The following STK32B variants were observed in gnomAD, a reference collection of about 807,000 sequenced individuals.
STK32B encodes serine/threonine-protein kinase 32B.
A neutral mutation model predicts 52.6 loss-of-function variants in STK32B; 43 were observed. The ratio of observed to expected loss-of-function variants is 0.82; its 90% CI spans 0.64 to 1.05. STK32B has a LOEUF of 1.05. Ranked by LOEUF, STK32B falls within the 50% of genes least tolerant of loss-of-function variation. The probability of loss-of-function intolerance (pLI) is 0.00; values close to 1 mark genes in which losing one functional copy is unlikely to be tolerated. For synonymous variants in STK32B, 238 were observed against 204.3 expected, an observed-to-expected ratio of 1.17 and a Z score of -1.41; for missense variants, 621 against 534.6, an observed-to-expected ratio of 1.16 and a Z score of -1.59.
At chr4:5,492,876 A>G (rs1157672904) in intron 11 of STK32B, among the ~76,000 whole-genome samples, 2 of 150,900 alleles carry the variant, frequency 1.3e-5, no homozygotes, top group African/African-American at 2.5e-5. Context: ...GCTGGATTAC[A>G]TTTATTGATT....
At chr4:5,324,059 C>G (rs1026528443) in intron 3 of STK32B, among the ~76,000 whole-genome samples, 1 of 152,190 alleles carries the variant, frequency 6.6e-6, no homozygotes. Flanking sequence ...AGCGCATATA[C>G]GTAAAGCACT....
intron 5 of STK32B, among the ~76,000 whole-genome samples, chr4:5,406,990 T>A (rs1359782541): frequency 1.3e-5 from 2 of 152,190 alleles, no homozygotes; most frequent in Non-Finnish European, 2.9e-5. Flanking sequence ...TTCCAAACTT[T>A]TACATTCTGC....
intron 3 of STK32B, among the ~76,000 whole-genome samples, chr4:5,316,173 A>AT: frequency 3.6e-5 from 4 of 110,918 alleles, no homozygotes; most frequent in African/African-American, 1.4e-4. Context: ...CTAAATATAT[A>AT]TATAACTAAA....
At position 5,452,794 on chromosome 4, in the gene STK32B, C is replaced by T. The variant is rs569259684; in HGVS notation, c.667-4013C>T. On this transcript the variant is annotated intron_variant, in intron 7 of 11. Coordinates refer to ENST00000282908, the MANE Select transcript of STK32B (RefSeq NM_018401.3). ...AATTGGCAAAATTTTTTTTAGAAAC[C>T]GAGTTTCCTGGAATAGAGACATACC... 3.9e-5 allele frequency among the ~76,000 whole-genome samples: 6 copies of T among 151,976 alleles called. No individual in the cohort carries two copies. The East Asian group carries it at 9.7e-4, about 25-fold the overall frequency.
intron 1 of STK32B, among the ~76,000 whole-genome samples, chr4:5,137,290 C>A (rs955478219): frequency 6.6e-6 from 1 of 152,196 alleles, no homozygotes; most frequent in African/African-American, 2.4e-5. Flanking sequence ...CTCCTCATGG[C>A]AGCTGGTCCT....
At chr4:5,285,559 C>T (rs2108876508) in intron 3 of STK32B, among the ~76,000 whole-genome samples, 1 of 152,166 alleles carries the variant, frequency 6.6e-6, no homozygotes, top group Middle Eastern at 3.4e-3. Flanking sequence ...TTTTAGGATC[C>T]TGAGAATAAC....
chr4:5,315,122 C>G (rs1379867735), intron 3 of STK32B, among the ~76,000 whole-genome samples: 1 of 152,040 alleles, frequency 6.6e-6, no homozygotes, highest in Non-Finnish European at 1.5e-5. Flanking sequence ...TCTCAAGTCT[C>G]AACAGTAAAT....
intron 11 of STK32B, among the ~76,000 whole-genome samples, chr4:5,482,891 A>C (rs1447004592): frequency 4.6e-5 from 7 of 152,170 alleles, no homozygotes; most frequent in African/African-American, 1.7e-4. Context: ...GATTACATTT[A>C]TTGATTTGCA....
chr4:5,310,452 A>G (rs1019132115), intron 3 of STK32B, among the ~76,000 whole-genome samples: 1 of 152,142 alleles, frequency 6.6e-6, no homozygotes, highest in Non-Finnish European at 1.5e-5. Flanking sequence ...ATCATCACTA[A>G]TCATTAGGGA....
intron 3 of STK32B, among the ~76,000 whole-genome samples, chr4:5,249,971 A>G (rs533989498): frequency 6.6e-5 from 10 of 152,044 alleles, no homozygotes; most frequent in South Asian, 2.1e-4. Flanking sequence ...TGTACACTCA[A>G]TGTTTAGCTC....
At chr4:5,353,042 T>C (rs981786069) in intron 4 of STK32B, among the ~76,000 whole-genome samples, 2 of 152,078 alleles carry the variant, frequency 1.3e-5, no homozygotes, top group African/African-American at 4.8e-5. Flanking sequence ...CAGTATATTT[T>C]TGGCATGAAA....
chr4:5,439,434 ACT>A (rs1387045413), intron 6 of STK32B, among the ~76,000 whole-genome samples: 1 of 151,760 alleles, frequency 6.6e-6, no homozygotes. Context: ...TCCTTCGCCC[ACT>A]TTTTGATGGG....
chr4:5,268,706 G>A (rs1727218655), intron 3 of STK32B, among the ~76,000 whole-genome samples: 1 of 151,900 alleles, frequency 6.6e-6, no homozygotes, highest in Non-Finnish European at 1.5e-5. Context: ...ATATATTCCT[G>A]CACCTGCACA....
intron 3 of STK32B, among the ~76,000 whole-genome samples, chr4:5,190,253 TG>T (rs1721075538): frequency 6.6e-6 from 1 of 152,162 alleles, no homozygotes; most frequent in Admixed American, 6.5e-5. Flanking sequence ...TGGTGGGTAA[TG>T]GTGATGATTT....
In STK32B at chr4:5,398,944, G is replaced by A. The variant is rs2109046625; in HGVS notation, c.472+700G>A. On this transcript the variant is annotated intron_variant, in intron 5 of 11. Transcript: ENST00000282908. This position sits in a 1 kb window ranked among gnomAD's most constrained non-coding sequence, Gnocchi z 4.9. The stretch of plus-strand genomic sequence containing the variant: ...AACTCTGGCCTTACCAGAATTACCT[G>A]GGGGACCTGGTAAAAATCAGAGGTC... Among the ~76,000 whole-genome samples, 1 of 152,262 alleles carries A rather than the reference G, an allele frequency of 6.6e-6. No homozygotes were observed. Among genetic ancestry groups the A allele is most frequent in the Middle Eastern group, 3.4e-3 (1 of 294 alleles).
At chr4:5,481,434 G>GT (rs1364532554) in intron 11 of STK32B, among the ~76,000 whole-genome samples, 6 of 151,666 alleles carry the variant, frequency 4.0e-5, no homozygotes, top group South Asian at 2.1e-4. Flanking sequence ...AGGGTTGTTT[G>GT]TTTTTTTTCT....
At chr4:5,316,380 A>G (rs1181086160) in intron 3 of STK32B, among the ~76,000 whole-genome samples, 1 of 38,060 alleles carries the variant, frequency 2.6e-5, no homozygotes, top group Non-Finnish European at 3.6e-5. Context: ...TATATTAATT[A>G]TATATATAAT....
At chr4:5,169,295 A>G (rs1719145109) in intron 3 of STK32B, among the ~76,000 whole-genome samples, 1 of 152,178 alleles carries the variant, frequency 6.6e-6, no homozygotes, top group African/African-American at 2.4e-5. Flanking sequence ...GACACATTGG[A>G]GGGACTTAGC....
chr4:5,142,907 T>A (rs1040000395), intron 2 of STK32B, among the ~76,000 whole-genome samples: 1 of 152,152 alleles, frequency 6.6e-6, no homozygotes, highest in African/African-American at 2.4e-5. Flanking sequence ...TTGAAGACTT[T>A]AGGAGAAAAA....
Sources: gnomAD v4.1 joint callset for allele counts (sites outside exome capture counted in the v4.1 genomes callset) on GRCh38, gnomAD v4.1.1 for gene constraint, Gnocchi (gnomAD v3.1) non-coding constraint, MANE v1.5 for transcripts, NCBI Gene and HGNC (gene_info 2026-07-23, HGNC 2026-07-21) for gene names.